CLIP2: variants seen among roughly 807,000 people sequenced by gnomAD.
CLIP2 encodes CAP-Gly domain containing linker protein 2.
A neutral mutation model predicts 111.7 loss-of-function variants in CLIP2; 41 were observed. The ratio of observed to expected loss-of-function variants is 0.37; its 90% confidence interval spans 0.29 to 0.48. The LOEUF (loss-of-function observed/expected upper bound fraction) is 0.48, where lower values mean the gene tolerates loss of function less well. Ranked by LOEUF, CLIP2 falls within the 20% of genes least tolerant of loss-of-function variation. The pLI, the probability that CLIP2 is intolerant of heterozygous loss-of-function variation, is 0.99. For synonymous variants in CLIP2, 660 were observed against 644.2 expected (o/e 1.02, Z -0.37); for missense variants, 1,160 against 1,422.1 (o/e 0.82, Z 2.96).
At chr7:74,342,247 G>A (rs1179551771) in intron 3 of CLIP2, among the ~76,000 whole-genome samples, 5 of 152,116 alleles carry the variant, frequency 3.3e-5, no homozygotes, top group African/African-American at 1.2e-4. Context: ...GTGGTGGCAC[G>A]TGCCTGTAGT....
intron 13 of CLIP2, among the ~76,000 whole-genome samples, chr7:74,389,920 GT>G (rs113212202): frequency 0.68 from 97,329 of 143,098 alleles, 33,056 homozygotes; most frequent in African/African-American, 0.72. Flanking sequence ...TAATAATAAA[GT>G]TTTTTTTTTT....
chr7:74,298,295 C>T (rs1198436517), intron 1 of CLIP2, among the ~76,000 whole-genome samples: 2 of 151,842 alleles, frequency 1.3e-5, no homozygotes. Context: ...AAGCAATTCT[C>T]ATGCCTCAGC....
chr7:74,344,991 TAAG>T (rs1789763766), intron 3 of CLIP2, among the ~76,000 whole-genome samples: 1 of 152,108 alleles, frequency 6.6e-6, no homozygotes. Flanking sequence ...CAGAGTGTAG[TAAG>T]AAGAGGTCCA....
intron 2 of CLIP2, among the ~76,000 whole-genome samples, chr7:74,327,028 T>A (rs1360128434): frequency 6.6e-6 from 1 of 152,176 alleles, no homozygotes; most frequent in Admixed American, 6.6e-5. Flanking sequence ...CCTCCCGGGT[T>A]CAAGAAACTC....
In CLIP2 at chr7:74,376,321, C is replaced by A. The variant is rs376758738; in HGVS notation, c.1920C>A (p.Gly640=). Residue 640 remains glycine (G), a synonymous_variant, in exon 10 of 17, where the codon GGC becomes GGA. Coordinates refer to ENST00000223398, the MANE Select transcript of CLIP2 (RefSeq NM_003388.5). The surrounding 1 kb of genome is among the most constrained non-coding windows in gnomAD (Gnocchi z 7.1). ...AAGCCACCCTGAACTCGGGCCCAGG[C>A]GCCCAGCAGAAGGAGATCGGCGAGC... ...DLKATLNSGP[G]AQQKEIGELK... is the part of the protein sequence containing the mutation. 6.2e-7 allele frequency: 1 copy of A among 1,613,854 alleles called. No individual in the cohort carries two copies. The highest frequency in any genetic ancestry group is 1.1e-5 in the South Asian group (1 of 91,070).
chr7:74,316,072 C>T (rs1037921779), intron 1 of CLIP2, among the ~76,000 whole-genome samples: 1 of 145,210 alleles, frequency 6.9e-6, no homozygotes, highest in African/African-American at 2.5e-5. Flanking sequence ...GTGTTGTTCC[C>T]CTCCCTGTGT....
intron 2 of CLIP2, among the ~76,000 whole-genome samples, chr7:74,323,378 C>T (rs1554730268): frequency 6.6e-6 from 1 of 151,482 alleles, no homozygotes; most frequent in African/African-American, 2.4e-5. Flanking sequence ...TACCAAAGGG[C>T]GTGAGCCACC....
intron 7 of CLIP2, among the ~76,000 whole-genome samples, chr7:74,361,170 C>CCCTCCTTTCCTTCCTTCCTTCCTTCCTT (rs1790317528): frequency 1.6e-4 from 2 of 12,720 alleles, no homozygotes; most frequent in South Asian, 2.9e-3. Flanking sequence ...CTCCCTCCCT[C>CCCTCCTTTCCTTCCTTCCTTCCTTCCTT]CCTTCTTTCC....
At chr7:74,341,875 C>T (rs976942662) in intron 3 of CLIP2, among the ~76,000 whole-genome samples, 2 of 152,162 alleles carry the variant, frequency 1.3e-5, no homozygotes, top group Non-Finnish European at 2.9e-5. Flanking sequence ...AGAGAGACCA[C>T]GAGGCCAGTG....
chr7:74,317,919 C>T (rs782560600), intron 2 of CLIP2, among the ~76,000 whole-genome samples: 11 of 152,080 alleles, frequency 7.2e-5, no homozygotes, highest in Non-Finnish European at 1.3e-4. Context: ...GGTTCAGGTA[C>T]GGTGGCTCAC....
At chr7:74,321,990 T>TA in intron 2 of CLIP2, among the ~76,000 whole-genome samples, 1 of 145,796 alleles carries the variant, frequency 6.9e-6, no homozygotes, top group East Asian at 2.0e-4. Flanking sequence ...TTTTTCCTTT[T>TA]TTTTTTTTTT....
At chr7:74,359,195 C>T (rs1245568104) in intron 6 of CLIP2, among the ~76,000 whole-genome samples, 2 of 151,550 alleles carry the variant, frequency 1.3e-5, no homozygotes, top group African/African-American at 4.9e-5. Flanking sequence ...TCTTGAACTC[C>T]TGGCCTCAAG....
chr7:74,376,674 T>C lies in CLIP2; in HGVS notation c.2273T>C (p.Leu758Pro). The C allele has an allele frequency of 6.2e-7, 1 of 1,613,280 alleles. No individual in the cohort carries two copies. The highest frequency in any genetic ancestry group is 8.5e-7 in the Non-Finnish European group (1 of 1,179,866). Residue 758 changes from leucine (L) to proline (P), a missense_variant, in exon 10 of 17, where the codon CTG becomes CCG. Leu to Pro is a moderately conservative substitution (Grantham distance 98). Around this residue, in one of 5 missense-constraint regions of CLIP2, gnomAD observed 676 missense variants for 777.8 expected, o/e 0.87. Coordinates refer to ENST00000223398, the MANE Select transcript of CLIP2 (RefSeq NM_003388.5). The surrounding 1 kb of genome is among the most constrained non-coding windows in gnomAD (Gnocchi z 7.1). ...GAGTTCCTCAAGGAGCAGATCTCGC[T>C]GGCCGAGAAGAAGATGTTGGACTAC... The part of the protein sequence containing the change: ...AIEFLKEQIS[L>P]AEKKMLDYER...
intron 1 of CLIP2, among the ~76,000 whole-genome samples, chr7:74,304,956 AAATG>A (rs1260886334): frequency 1.6e-4 from 24 of 151,450 alleles, no homozygotes; most frequent in Non-Finnish European, 2.1e-4. Context: ...AAAAATAAAT[AAATG>A]AATGAATGAA....
intron 2 of CLIP2, among the ~76,000 whole-genome samples, chr7:74,324,379 A>C (rs1271224306): frequency 2.0e-5 from 3 of 152,126 alleles, no homozygotes; most frequent in African/African-American, 7.2e-5. Context: ...TGCTACTGTG[A>C]TATCACCTGC....
chr7:74,305,694 A>G (rs1459667304), intron 1 of CLIP2, among the ~76,000 whole-genome samples: 5 of 152,076 alleles, frequency 3.3e-5, no homozygotes, highest in Non-Finnish European at 5.9e-5. Flanking sequence ...GGGTTTCGCC[A>G]TGTTGCCCAG....
chr7:74,362,123 A>G (rs890803755), intron 7 of CLIP2, among the ~76,000 whole-genome samples: 10 of 151,546 alleles, frequency 6.6e-5, no homozygotes, highest in Non-Finnish European at 1.5e-4. Context: ...AAAAGTCACA[A>G]GTGGGACCCA....
At chr7:74,364,865 T>C (rs1362416429) in intron 8 of CLIP2, 1 of 455,218 alleles carries the variant, frequency 2.2e-6, no homozygotes, top group East Asian at 7.0e-5. Flanking sequence ...CTACAAAAAA[T>C]TTAAAAAGTT....
chr7:74,340,383 G>A (rs1338625630), intron 3 of CLIP2, among the ~76,000 whole-genome samples: 1 of 152,132 alleles, frequency 6.6e-6, no homozygotes, highest in African/African-American at 2.4e-5. Flanking sequence ...GTGACAGAGT[G>A]AGACTCTGTC....
Sources: allele counts gnomAD v4.1 joint callset (sites outside exome capture counted in the v4.1 genomes callset), GRCh38; gene constraint gnomAD v4.1.1; regional missense constraint gnomAD v4.1.1; non-coding constraint Gnocchi (gnomAD v3.1); transcripts MANE v1.5; gene names NCBI Gene and HGNC (gene_info 2026-07-23, HGNC 2026-07-21).